Variants in TMC7 observed in about 807,000 individuals in gnomAD.
TMC7 encodes the protein transmembrane channel like 7.
Under a neutral mutation model 82.9 loss-of-function variants are expected in TMC7, and 54 were observed. The observed-to-expected ratio is 0.65, with a 90% CI of 0.52 to 0.82. The LOEUF is 0.82. TMC7 is among the 40% of genes least tolerant of loss of function. The probability of loss-of-function intolerance (pLI) is 0.00; values close to 1 mark genes in which losing one functional copy is unlikely to be tolerated. For synonymous variants in TMC7, 350 were observed against 337.9 expected (o/e 1.04, Z -0.39); for missense variants, 820 against 901.2 (o/e 0.91, Z 1.15).
At position 19,058,588 on chromosome 16, in the gene TMC7, C is replaced by G. The variant is rs898569800; in HGVS notation, c.2028-828C>G. 4.6e-5 allele frequency among the ~76,000 whole-genome samples: 7 copies of G among 152,286 alleles called. 1 individual carries two copies. In the South Asian group the frequency reaches 1.4e-3, roughly 32 times the overall value. The stretch of plus-strand genomic sequence containing the variant: ...TGTCATTCTGTATGTACAAGGCGAA[C>G]ATCTGCAAATTTTAATATTAAAAGT... On this transcript the variant is annotated intron_variant, in intron 14 of 15. Transcript: ENST00000304381.
chr16:19,042,504 T>C (rs1357505593), intron 9 of TMC7, among the ~76,000 whole-genome samples: 1 of 47,486 alleles, frequency 2.1e-5, no homozygotes, highest in East Asian at 2.2e-3. Flanking sequence ...TATTCCTTCT[T>C]TTTTTTTTTT....
intron 7 of TMC7, 102 bp downstream of exon 7, chr16:19,035,925 G>A: frequency 7.6e-7 from 1 of 1,323,318 alleles, no homozygotes; most frequent in Non-Finnish European, 1.0e-6. Context: ...TCGGGGACAG[G>A]TTGTCCCTGG....
Position 19,062,168 on chromosome 16 carries a change from T to C in TMC7, c.*325T>C. On this transcript the variant is annotated 3_prime_UTR_variant, in exon 16 of 16. Transcript: ENST00000304381. Reference sequence around the variant, plus strand: ...GTTTAGTATTTGAGCCACGAGTTTATGTGCACAAGTGTTTTGGGTTGTGGA... The same window carrying C: ...GTTTAGTATTTGAGCCACGAGTTTACGTGCACAAGTGTTTTGGGTTGTGGA... 1 of 247,938 alleles carries C rather than the reference T, an allele frequency of 4.0e-6. No homozygotes were observed. Among genetic ancestry groups the C allele is most frequent in the Non-Finnish European group, 7.7e-6 (1 of 130,462 alleles). The allele number at this position is 247,938 out of a possible 1,614,324, so 15.4% of individuals were successfully genotyped here.
chr16:18,996,369 C>T (rs576498343), intron 1 of TMC7, among the ~76,000 whole-genome samples: 1 of 152,100 alleles, frequency 6.6e-6, no homozygotes, highest in Non-Finnish European at 1.5e-5. Context: ...AAAAGAATGC[C>T]TGGATGTCAG....
chr16:19,010,110 C>T (rs1355533662), intron 2 of TMC7, among the ~76,000 whole-genome samples: 3 of 128,768 alleles, frequency 2.3e-5, no homozygotes, highest in Non-Finnish European at 3.3e-5. Context: ...TTTCCTTTCC[C>T]CTTCCCCCTT....
Position 19,040,331 on chromosome 16 carries a change from T to C in TMC7, c.1222T>C (p.Tyr408His). The C allele has an allele frequency of 6.2e-7, 1 of 1,614,064 alleles. No individual in the cohort carries two copies. Among genetic ancestry groups the C allele is most frequent in the Non-Finnish European group, 8.5e-7 (1 of 1,180,024 alleles). The change falls in exon 9 of 16, where the codon TAT (tyrosine) becomes CAT (histidine). Residue 408 changes from tyrosine to histidine, a missense_variant. Around this residue, in one of 2 missense-constraint regions of TMC7, gnomAD observed 650 missense variants for 669.9 expected, o/e 0.97. Transcript: ENST00000304381. ...TTTTGGAGAGAACCTCTTCATATTGTATCTACCGTCTATTGTGATCACGCT... is the reference window on the plus strand; with the variant it reads ...TTTTGGAGAGAACCTCTTCATATTGCATCTACCGTCTATTGTGATCACGCT... Reference protein sequence around the residue: ...MVFGENLFILYLPSIVITLAN... With the variant: ...MVFGENLFILHLPSIVITLAN...
chr16:19,047,816 C>T (rs1239730282), intron 12 of TMC7, among the ~76,000 whole-genome samples: 8 of 150,434 alleles, frequency 5.3e-5, no homozygotes, highest in Non-Finnish European at 8.8e-5. Flanking sequence ...CAGGTTCGAG[C>T]GATTCTCCTG....
chr16:19,050,400 A>G (rs888388361), intron 12 of TMC7, among the ~76,000 whole-genome samples: 2 of 151,768 alleles, frequency 1.3e-5, no homozygotes, highest in African/African-American at 4.8e-5. Context: ...AAACCAAAAA[A>G]AACAAAAAAC....
chr16:19,029,683 A>ATT (rs1200039787), intron 5 of TMC7, among the ~76,000 whole-genome samples: 100 of 133,882 alleles, frequency 7.5e-4, no homozygotes, highest in African/African-American at 2.0e-3. Context: ...CCATCTGTGC[A>ATT]TTTTTTTTTT....
chr16:19,039,033 C>T (rs1412441236), intron 8 of TMC7, among the ~76,000 whole-genome samples: 1 of 151,568 alleles, frequency 6.6e-6, no homozygotes, highest in Non-Finnish European at 1.5e-5. Context: ...GTCCAGGTTC[C>T]GTTCATCTTG....
At chr16:19,051,997 T>G (rs1383598484) in intron 13 of TMC7, among the ~76,000 whole-genome samples, 181 bp downstream of exon 13, 1 of 151,810 alleles carries the variant, frequency 6.6e-6, no homozygotes, top group Non-Finnish European at 1.5e-5. Context: ...CAGGTTCAAA[T>G]GATTCTCCCG....
intron 1 of TMC7, among the ~76,000 whole-genome samples, chr16:18,990,157 T>G (rs1340600303): frequency 1.3e-5 from 2 of 152,120 alleles, no homozygotes; most frequent in African/African-American, 4.8e-5. Context: ...AAGTACCTTC[T>G]TAAGGGTGGG....
chr16:19,048,064 G>C (rs1961368846), intron 12 of TMC7, among the ~76,000 whole-genome samples: 1 of 151,694 alleles, frequency 6.6e-6, no homozygotes, highest in Admixed American at 6.6e-5. Context: ...TTTTATTAAG[G>C]CTGGATGTAT....
intron 2 of TMC7, among the ~76,000 whole-genome samples, chr16:19,012,003 A>T (rs186901373): frequency 1.2e-3 from 190 of 152,084 alleles, no homozygotes; most frequent in African/African-American, 4.3e-3. Flanking sequence ...TTAGCTGGGC[A>T]TGGTGGTGCA....
At chr16:19,005,335 G>T (rs185717031) in intron 1 of TMC7, among the ~76,000 whole-genome samples, 4 of 152,118 alleles carry the variant, frequency 2.6e-5, no homozygotes, top group African/African-American at 4.8e-5. Flanking sequence ...TGATCCACTC[G>T]CCTCGGCCTC....
At chr16:19,008,994 A>C (rs1030100864) in intron 1 of TMC7, among the ~76,000 whole-genome samples, 178 bp from the exon 2 acceptor site, 4 of 152,204 alleles carry the variant, frequency 2.6e-5, no homozygotes, top group Non-Finnish European at 5.9e-5. Flanking sequence ...GCCCATCTGC[A>C]GATGATTTCA....
In TMC7 at chr16:19,035,681, T is replaced by C; in HGVS notation, c.863T>C (p.Val288Ala). Residue 288 changes from valine to alanine, a missense_variant, in exon 7 of 16, where the codon GTG becomes GCG. Val to Ala is a moderately conservative substitution (Grantham distance 64). Transcript: ENST00000304381. Reference sequence around the variant, plus strand: ...TGATTGTGTTTTGGGGTCAGGTCGGTGGAAGGATTCAAAATCAACCTGATT... The same window carrying C: ...TGATTGTGTTTTGGGGTCAGGTCGGCGGAAGGATTCAAAATCAACCTGATT... ...LSLLWIVKRSVEGFKINLIRS... is the reference protein window; with the variant it reads ...LSLLWIVKRSAEGFKINLIRS... 6.2e-7 allele frequency: 1 copy of C among 1,614,182 alleles called. No homozygotes were observed. Among genetic ancestry groups the C allele is most frequent in the Non-Finnish European group, 8.5e-7 (1 of 1,180,032 alleles).
intron 9 of TMC7, among the ~76,000 whole-genome samples, chr16:19,041,405 GC>G (rs985340656): frequency 8.7e-5 from 13 of 149,866 alleles, no homozygotes; most frequent in African/African-American, 2.7e-4. Flanking sequence ...TTGCTCCGTT[GC>G]TCAGGCTGGA....
intron 5 of TMC7, among the ~76,000 whole-genome samples, chr16:19,026,898 G>T (rs950226521): frequency 6.9e-6 from 1 of 145,656 alleles, no homozygotes; most frequent in Non-Finnish European, 1.5e-5. Context: ...AGTAGCTGGG[G>T]TTACAGGCGC....
Sources: allele counts gnomAD v4.1 joint callset (sites outside exome capture counted in the v4.1 genomes callset), GRCh38; gene constraint gnomAD v4.1.1; regional missense constraint gnomAD v4.1.1; transcripts MANE v1.5; gene names NCBI Gene and HGNC (gene_info 2026-07-23, HGNC 2026-07-21).